Variants in MX1 observed in about 807,000 individuals in gnomAD.
MX1 encodes the protein MX dynamin like GTPase 1.
In MX1, 66 loss-of-function variants were observed where a neutral mutation model predicts 66.4. The observed-to-expected ratio is 0.99, with a 90% CI of 0.82 to 1.22. The LOEUF is 1.22. MX1 is among the 50% of genes most tolerant of loss of function. MX1 has a pLI of 0.00. For synonymous variants in MX1, 311 were observed against 318.1 expected (o/e 0.98, Z 0.24); for missense variants, 787 against 834.3 (o/e 0.94, Z 0.70).
In MX1 at chr21:41,440,909, A is replaced by G; in HGVS notation, c.614A>G (p.Tyr205Cys). 1 of 1,614,226 alleles carries G rather than the reference A, an allele frequency of 6.2e-7. No homozygotes were observed. ...CAGATCAAGACACTCATCAAGAAGT[A>G]CATCCAGAGGCAGGAGACAATCAGC... ...GYKIKTLIKKYIQRQETISLV... is the reference protein window; with the variant it reads ...GYKIKTLIKKCIQRQETISLV... Residue 205 changes from tyrosine to cysteine, a missense_variant, in exon 9 of 17, where the codon TAC becomes TGC. Transcript: ENST00000398598.
At position 41,451,250 on chromosome 21, in the gene MX1, C is replaced by T; in HGVS notation, c.1509+7C>T. Reference sequence around the variant, plus strand: ...CCTCCACAGAACCGCCAAGGTAAAACCAACCATGTGTTGTTTAAAAAAAAA... The same window carrying T: ...CCTCCACAGAACCGCCAAGGTAAAATCAACCATGTGTTGTTTAAAAAAAAA... On this transcript the variant is annotated splice_region_variant and intron_variant, in intron 15 of 16. Coordinates refer to ENST00000398598, the MANE Select transcript of MX1 (RefSeq NM_002462.5). 1.3e-6 allele frequency: 2 copies of T among 1,574,102 alleles called. No individual in the cohort carries two copies. The highest frequency in any genetic ancestry group is 1.7e-6 in the Non-Finnish European group (2 of 1,147,780).
At chr21:41,451,858 A>AGG (rs1218701595) in intron 15 of MX1, among the ~76,000 whole-genome samples, 1 of 138,222 alleles carries the variant, frequency 7.2e-6, no homozygotes, top group Non-Finnish European at 1.5e-5. Flanking sequence ...AAAACAAACA[A>AGG]AAAAACTTTC....
intron 5 of MX1, among the ~76,000 whole-genome samples, chr21:41,433,045 A>AT (rs2090265860): frequency 6.6e-6 from 1 of 152,196 alleles, no homozygotes; most frequent in Non-Finnish European, 1.5e-5. Flanking sequence ...TCACCCACTC[A>AT]TACTTGCGTG....
At chr21:41,427,948 C>G (rs2090108955) in intron 3 of MX1, 82 bp downstream of exon 3, 2 of 152,272 alleles carry the variant, frequency 1.3e-5, no homozygotes, top group Admixed American at 1.3e-4. Flanking sequence ...CTCTGTCGCC[C>G]AGGCTGGAGT....
At chr21:41,440,268 G>C (rs559419196) in intron 8 of MX1, among the ~76,000 whole-genome samples, 2 of 152,278 alleles carry the variant, frequency 1.3e-5, no homozygotes, top group African/African-American at 4.8e-5. Context: ...GGAGGCTGAG[G>C]CAGGAGGATT....
At chr21:41,445,956 A>G in intron 12 of MX1, 44 bp from the exon 13 acceptor site, 2 of 1,602,114 alleles carry the variant, frequency 1.2e-6, no homozygotes, top group Non-Finnish European at 1.7e-6. Context: ...TGACACTTGG[A>G]TTTGAAGTCT....
rs1425790068 is a variant in MX1, at chr21:41,435,874, A to G, written c.143A>G (p.Lys48Arg). The change falls in exon 6 of 17, where the codon AAG (lysine) becomes AGG (arginine). Residue 48 changes from lysine (K) to arginine (R), a missense_variant. By Grantham distance (26) the Lys-to-Arg change is conservative. Coordinates refer to ENST00000398598, the MANE Select transcript of MX1 (RefSeq NM_002462.5). ...ENNLCSQYEE[K>R]VRPCIDLIDS... Reference sequence around the variant, plus strand: ...AACCTGTGCAGCCAGTATGAGGAGAAGGTGCGCCCCTGCATCGACCTCATT... The same window carrying G: ...AACCTGTGCAGCCAGTATGAGGAGAGGGTGCGCCCCTGCATCGACCTCATT... The G allele has an allele frequency of 6.2e-7, 1 of 1,613,170 alleles. No individual in the cohort carries two copies. The highest frequency in any genetic ancestry group is 8.5e-7 in the Non-Finnish European group (1 of 1,179,264).
Position 41,436,024 on chromosome 21 carries a change from G to A in MX1, c.293G>A (p.Gly98Asp), listed in dbSNP as rs1264286157. Residue 98 changes from glycine to aspartate, a missense_variant, in exon 6 of 17, where the codon GGC becomes GAC. Physicochemically the swap from Gly to Asp is moderately conservative, Grantham distance 94. Coordinates refer to ENST00000398598, the MANE Select transcript of MX1 (RefSeq NM_002462.5). ...EALSGVALPR[G>D]SGIVTRCPLV... ...CTGTCAGGAGTTGCCCTTCCCAGAG[G>A]CAGCGGTAAGAACTTACATTCTGTG... 2.5e-6 allele frequency: 4 copies of A among 1,613,940 alleles called. No individual in the cohort carries two copies. Among genetic ancestry groups the A allele is most frequent in the African/African-American group, 2.7e-5 (2 of 74,946 alleles).
chr21:41,448,004 C>T (rs557458141), intron 13 of MX1, among the ~76,000 whole-genome samples: 19 of 152,304 alleles, frequency 1.2e-4, no homozygotes, highest in South Asian at 4.1e-4. Flanking sequence ...GTTGGGATTA[C>T]GGGCGTGAGC....
Position 41,449,168 on chromosome 21 carries a change from A to G in MX1, c.1305A>G (p.Lys435=). The G allele has an allele frequency of 6.2e-7, 1 of 1,612,396 alleles. No individual in the cohort carries two copies. The highest frequency in any genetic ancestry group is 8.5e-7 in the Non-Finnish European group (1 of 1,179,528). Residue 435 remains lysine (K), a synonymous_variant, in exon 14 of 17, where the codon AAA becomes AAG. Transcript: ENST00000398598. ...GHKILSRKIQ[K]FENQYRGREL... ...AAATTTTGAGTAGAAAAATCCAGAA[A>G]TTTGAAAATCAGTATCGTGGTAGAG...
upstream of MX1, among the ~76,000 whole-genome samples, chr21:41,425,779 G>T (rs2090046397): frequency 6.6e-6 from 1 of 152,190 alleles, no homozygotes; most frequent in South Asian, 2.1e-4. Context: ...GGGAGTGCTG[G>T]ACGGAGTTCG....
intron 8 of MX1, 80 bp from the exon 9 acceptor site, chr21:41,440,807 C>A: frequency 6.4e-7 from 1 of 1,553,578 alleles, no homozygotes; most frequent in Non-Finnish European, 8.9e-7. Context: ...GGGCCTAAAG[C>A]AAGTGCAAGG....
In MX1 at chr21:41,432,036, T is replaced by G. The variant is rs2090228421; in HGVS notation, c.-21-14T>G. 1.2e-6 allele frequency: 2 copies of G among 1,608,834 alleles called. No homozygotes were observed. The highest frequency in any genetic ancestry group is 8.5e-7 in the Non-Finnish European group (1 of 1,176,426). On this transcript the variant is annotated splice_polypyrimidine_tract_variant and intron_variant, in intron 4 of 16. Transcript: ENST00000398598. ...GCTGCTTATCTGTTCAATAGGCATC[T>G]GCTTTATTTTAAGCTTACTTTGCAA...
At chr21:41,427,679 G>A (rs1224555318) in intron 2 of MX1, 76 bp from the exon 3 acceptor site, 2 of 150,228 alleles carry the variant, frequency 1.3e-5, no homozygotes, top group African/African-American at 5.0e-5. Context: ...CCTCTATGGG[G>A]TCTGAGCTGA....
At chr21:41,453,356 C>G (rs942656241) in intron 16 of MX1, among the ~76,000 whole-genome samples, 1 of 152,182 alleles carries the variant, frequency 6.6e-6, no homozygotes, top group Non-Finnish European at 1.5e-5. Context: ...GACACAGAGC[C>G]AAACCATATC....
rs2090585088 is a variant in MX1 at position 41,443,859 on chromosome 21, A to T, written c.1001A>T (p.His334Leu). 6.2e-7 allele frequency: 1 copy of T among 1,614,084 alleles called. No homozygotes were observed. The highest frequency in any genetic ancestry group is 1.3e-5 in the African/African-American group (1 of 74,928). Residue 334 changes from histidine (H) to leucine (L), a missense_variant, in exon 11 of 17, where the codon CAT becomes CTT. Physicochemically the swap from His to Leu is moderately conservative, Grantham distance 99. Coordinates refer to ENST00000398598, the MANE Select transcript of MX1 (RefSeq NM_002462.5). ...AAACTTACCAGCGAGCTCATCACAC[A>T]TATCTGTGTAAGCACGGGCAGAGCT... ...AEKLTSELIT[H>L]ICKSLPLLEN...
In MX1 at chr21:41,452,819, A is replaced by G. The variant is rs201588379; in HGVS notation, c.1708A>G (p.Thr570Ala). ...TGGGGCTTTCCAGTCCAGCTCGGCA[A>G]CAGACTCTTCCATGGAGGAGATCTT... ...DFGAFQSSSA[T>A]DSSMEEIFQH... Residue 570 changes from threonine to alanine, a missense_variant, in exon 16 of 17, where the codon ACA becomes GCA. By Grantham distance (58) the Thr-to-Ala change is moderately conservative. Coordinates refer to ENST00000398598, the MANE Select transcript of MX1 (RefSeq NM_002462.5). The G allele has an allele frequency of 1.2e-6, 2 of 1,614,202 alleles. No individual in the cohort carries two copies. Among genetic ancestry groups the G allele is most frequent in the East Asian group, 2.2e-5 (1 of 44,882 alleles).
At position 41,436,415 on chromosome 21, in the gene MX1, C is replaced by T. The variant is rs958582118; in HGVS notation, c.298+386C>T. 5.3e-5 allele frequency among the ~76,000 whole-genome samples: 8 copies of T among 152,326 alleles called. 1 individual carries two copies. The highest frequency in any genetic ancestry group is 2.0e-4 in the Admixed American group (3 of 15,308). On this transcript the variant is annotated intron_variant, in intron 6 of 16. Coordinates refer to ENST00000398598, the MANE Select transcript of MX1 (RefSeq NM_002462.5). ...ATTTGGAGGGAACACCATTTCATAA[C>T]GCTATCTCATTGCACATTTTTTTCA... is the stretch of plus-strand genomic sequence containing the variant.
At position 41,458,532 on chromosome 21, in the gene MX1, C is replaced by T; in HGVS notation, c.1763C>T (p.Ala588Val). The change falls in exon 17 of 17, where the codon GCC becomes GTC. Residue 588 changes from alanine (A) to valine (V), a missense_variant. Physicochemically the swap from Ala to Val is moderately conservative, Grantham distance 64. Coordinates refer to ENST00000398598, the MANE Select transcript of MX1 (RefSeq NM_002462.5). ...TGAACTGTTCTTTCCTTCCAGGAGG[C>T]CAGCAAGCGCATCTCCAGCCACATC... The part of the protein sequence containing the change: ...FQHLMAYHQE[A>V]SKRISSHIPL... 6.2e-7 allele frequency: 1 copy of T among 1,614,118 alleles called. No individual in the cohort carries two copies. The highest frequency in any genetic ancestry group is 8.5e-7 in the Non-Finnish European group (1 of 1,180,012).
Sources: gnomAD v4.1 joint callset for allele counts (sites outside exome capture counted in the v4.1 genomes callset) on GRCh38, gnomAD v4.1.1 for gene constraint, MANE v1.5 for transcripts, NCBI Gene and HGNC (gene_info 2026-07-23, HGNC 2026-07-21) for gene names.